CAMTA1: variants seen among roughly 807,000 people sequenced by gnomAD.
CAMTA1 encodes the protein calmodulin binding transcription activator 1.
Under a neutral mutation model 170.9 loss-of-function variants are expected in CAMTA1, and 27 were observed. The observed-to-expected ratio is 0.16, with a 90% confidence interval of 0.12 to 0.22. The LOEUF is 0.22. CAMTA1 is among the 10% of genes least tolerant of loss of function. The pLI is 1.00. For synonymous variants in CAMTA1, 833 were observed against 891.5 expected (o/e 0.93, Z 1.17); for missense variants, 1,619 against 2,217.2 (o/e 0.73, Z 5.42).
chr1:7,540,628 C>T (rs565935660), intron 6 of CAMTA1, among the ~76,000 whole-genome samples: 20 of 152,296 alleles, frequency 1.3e-4, no homozygotes, highest in Admixed American at 1.3e-3. Context: ...CCCCCCAAAA[C>T]CGCCCACCTC....
intron 6 of CAMTA1, among the ~76,000 whole-genome samples, chr1:7,555,183 T>C (rs915574964): frequency 1.3e-5 from 2 of 152,086 alleles, no homozygotes; most frequent in Admixed American, 1.3e-4. Context: ...GAAATCTATT[T>C]ATGGGACACA....
At chr1:7,571,135 A>G (rs1332084612) in intron 6 of CAMTA1, among the ~76,000 whole-genome samples, 1 of 152,188 alleles carries the variant, frequency 6.6e-6, no homozygotes, top group Non-Finnish European at 1.5e-5. Flanking sequence ...CTTTCAAACC[A>G]AACTTTATTT....
At chr1:6,893,433 AT>A (rs1674979436) in intron 3 of CAMTA1, among the ~76,000 whole-genome samples, 1 of 152,102 alleles carries the variant, frequency 6.6e-6, no homozygotes, top group African/African-American at 2.4e-5. Flanking sequence ...TGAGAAAAAT[AT>A]TTGTTGTTGT....
chr1:7,459,935 G>T (rs1022788769), intron 5 of CAMTA1, among the ~76,000 whole-genome samples: 5 of 152,250 alleles, frequency 3.3e-5, no homozygotes, highest in Non-Finnish European at 7.3e-5. Flanking sequence ...GCCTGCACTT[G>T]AGCCATCAGT....
intron 3 of CAMTA1, among the ~76,000 whole-genome samples, chr1:6,904,633 A>T (rs1557799381): frequency 1.4e-5 from 2 of 145,672 alleles, no homozygotes; most frequent in East Asian, 4.0e-4. Context: ...AACATAGCTC[A>T]CAGCAGCCGC....
rs573468865 is a variant in CAMTA1, at chr1:7,455,303, T to C, written c.439-12527T>C. Reference sequence around the variant, plus strand: ...TGCCGCCCTGCTGTCTGCTCTCTTTTGTAGAGATGTTTTCGTGAACTTGAG... The same window carrying C: ...TGCCGCCCTGCTGTCTGCTCTCTTTCGTAGAGATGTTTTCGTGAACTTGAG... On this transcript the variant is annotated intron_variant, in intron 5 of 22. Coordinates refer to ENST00000303635, the MANE Select transcript of CAMTA1 (RefSeq NM_015215.4). The surrounding 1 kb of genome is among the most constrained non-coding windows in gnomAD (Gnocchi z 5.0). Among the ~76,000 whole-genome samples, 3 of 152,294 alleles carry C rather than the reference T, an allele frequency of 2.0e-5. No homozygotes were observed. Among genetic ancestry groups the C allele is most frequent in the Non-Finnish European group, 4.4e-5 (3 of 68,018 alleles).
chr1:7,204,381 A>G (rs769679900), intron 4 of CAMTA1, among the ~76,000 whole-genome samples: 1 of 152,146 alleles, frequency 6.6e-6, no homozygotes, highest in Admixed American at 6.6e-5. Context: ...GTTTACCAAT[A>G]TTCGTATTTT....
intron 5 of CAMTA1, among the ~76,000 whole-genome samples, chr1:7,282,349 T>C (rs72863548): frequency 0.033 from 5,055 of 152,066 alleles, 232 homozygotes; most frequent in African/African-American, 0.1. Context: ...TCCAGCCTTC[T>C]CTCTCCTCCA....
chr1:7,696,272 T>C (rs758697423), intron 11 of CAMTA1, among the ~76,000 whole-genome samples: 6 of 152,074 alleles, frequency 3.9e-5, no homozygotes, highest in Non-Finnish European at 7.4e-5. Context: ...TCTCGGCTCA[T>C]TGCAACCTCC....
At chr1:7,554,877 C>A (rs929191005) in intron 6 of CAMTA1, among the ~76,000 whole-genome samples, 1 of 152,082 alleles carries the variant, frequency 6.6e-6, no homozygotes, top group Non-Finnish European at 1.5e-5. Context: ...CAGCAGACTT[C>A]CCAAGCCAGA....
rs1216129797 is a variant in CAMTA1, at chr1:7,641,919, C to A, written c.664+1366C>A. On this transcript the variant is annotated intron_variant, in intron 7 of 22. Coordinates refer to ENST00000303635, the MANE Select transcript of CAMTA1 (RefSeq NM_015215.4). The surrounding 1 kb of genome is among the most constrained non-coding windows in gnomAD (Gnocchi z 4.5). ...ATGCCCATTCAATGCACGCTCAATG[C>A]CCAAGCTCCTGAGCACAGCCTGCAG... Among the ~76,000 whole-genome samples the A allele has an allele frequency of 6.6e-6, 1 of 152,136 alleles. No homozygotes were observed. The highest frequency in any genetic ancestry group is 2.4e-5 in the African/African-American group (1 of 41,420).
At chr1:7,051,112 G>T (rs76085629) in intron 3 of CAMTA1, among the ~76,000 whole-genome samples, 3 of 152,256 alleles carry the variant, frequency 2.0e-5, no homozygotes, top group Admixed American at 2.0e-4. Flanking sequence ...CTGGAGACAC[G>T]GTGAACAATG....
chr1:7,261,998 C>T (rs150702899), intron 5 of CAMTA1, among the ~76,000 whole-genome samples: 7 of 152,326 alleles, frequency 4.6e-5, no homozygotes, highest in East Asian at 1.9e-4. Flanking sequence ...GCAGAAGCAA[C>T]GCTTAATCCT....
chr1:7,480,542 C>T (rs1034627689), intron 6 of CAMTA1, among the ~76,000 whole-genome samples: 1 of 152,040 alleles, frequency 6.6e-6, no homozygotes, highest in Admixed American at 6.6e-5. Flanking sequence ...TCACTAATGA[C>T]CTCTGCCTTG....
chr1:6,997,278 C>T (rs60710399), intron 3 of CAMTA1, among the ~76,000 whole-genome samples: 23,437 of 150,940 alleles, frequency 0.16, 2,007 homozygotes, highest in South Asian at 0.25. Context: ...TGTGTGTGTG[C>T]GAGCCATCAG....
rs141246732 is a variant in CAMTA1, at chr1:7,222,124, C to T, written c.303-27367C>T. 9.2e-4 allele frequency among the ~76,000 whole-genome samples: 140 copies of T among 152,292 alleles called. 1 individual carries two copies. In the East Asian group the frequency reaches 9.6e-3, roughly 10 times the overall value. On this transcript the variant is annotated intron_variant, in intron 4 of 22. Transcript: ENST00000303635. ...TGGCTTCTCATAATGTCACTGAGATCTGGGAAATGGACCAAGCACGATTTC... is the reference window on the plus strand; with the variant it reads ...TGGCTTCTCATAATGTCACTGAGATTTGGGAAATGGACCAAGCACGATTTC...
chr1:6,824,481 G>A (rs1157170687), intron 2 of CAMTA1, among the ~76,000 whole-genome samples: 1 of 152,062 alleles, frequency 6.6e-6, no homozygotes, highest in African/African-American at 2.4e-5. Context: ...TAATTATGTA[G>A]ATATGTATAT....
intron 3 of CAMTA1, among the ~76,000 whole-genome samples, chr1:7,057,497 C>T (rs569032896): frequency 1.6e-3 from 249 of 152,268 alleles, no homozygotes; most frequent in African/African-American, 5.7e-3. Context: ...CAGTCTGTTG[C>T]GGCTGCATTC....
chr1:7,427,985 G>A (rs1275570473), intron 5 of CAMTA1, among the ~76,000 whole-genome samples: 2 of 152,194 alleles, frequency 1.3e-5, no homozygotes, highest in Non-Finnish European at 2.9e-5. Flanking sequence ...TGGCAAGGGA[G>A]GCTCCAGGAC....
Sources: gnomAD v4.1 joint callset for allele counts (sites outside exome capture counted in the v4.1 genomes callset) on GRCh38, gnomAD v4.1.1 for gene constraint, Gnocchi (gnomAD v3.1) non-coding constraint, MANE v1.5 for transcripts, NCBI Gene and HGNC (gene_info 2026-07-23, HGNC 2026-07-21) for gene names.